SLC39A11: variants seen among roughly 807,000 people sequenced by gnomAD.
The protein encoded by SLC39A11 is zinc transporter ZIP11.
A neutral mutation model predicts 36.1 loss-of-function variants in SLC39A11; 33 were observed. The observed-to-expected ratio is 0.91, with a 90% CI of 0.69 to 1.22. The LOEUF (loss-of-function observed/expected upper bound fraction) is 1.22, where lower values mean the gene tolerates loss of function less well. SLC39A11 is among the 50% of genes most tolerant of loss of function. The pLI is 0.00. For missense variants in SLC39A11, 432 were observed against 430.3 expected (o/e 1.00, Z -0.03); for synonymous variants, 166 against 170.3 (o/e 0.97, Z 0.20).
chr17:72,999,909 T>G (rs2089722009), intron 4 of SLC39A11, among the ~76,000 whole-genome samples: 1 of 151,506 alleles, frequency 6.6e-6, no homozygotes. Flanking sequence ...CCTGGCTAAG[T>G]TTTGTATTTT....
chr17:72,824,791 T>G (rs1421089804), intron 6 of SLC39A11, among the ~76,000 whole-genome samples: 1 of 150,892 alleles, frequency 6.6e-6, no homozygotes, highest in Non-Finnish European at 1.5e-5. Context: ...AATTTGAGAG[T>G]GATAAATTAG....
At chr17:72,707,855 A>G (rs1446559588) in intron 7 of SLC39A11, among the ~76,000 whole-genome samples, 1 of 152,260 alleles carries the variant, frequency 6.6e-6, no homozygotes, top group African/African-American at 2.4e-5. Context: ...CAAGCATGGC[A>G]AAAATATCCT....
intron 4 of SLC39A11, among the ~76,000 whole-genome samples, chr17:72,994,588 C>T (rs1433224387): frequency 1.3e-5 from 2 of 152,198 alleles, no homozygotes; most frequent in South Asian, 2.1e-4. Flanking sequence ...AAGTTTTTTA[C>T]GTGTATCATA....
At chr17:73,041,195 A>C (rs907256140) in intron 3 of SLC39A11, among the ~76,000 whole-genome samples, 2 of 152,180 alleles carry the variant, frequency 1.3e-5, no homozygotes, top group African/African-American at 4.8e-5. Context: ...ACAAGCTTCC[A>C]AATTCTCACT....
At chr17:72,825,569 T>C (rs1279989436) in intron 6 of SLC39A11, among the ~76,000 whole-genome samples, 1 of 152,088 alleles carries the variant, frequency 6.6e-6, no homozygotes, top group East Asian at 1.9e-4. Flanking sequence ...GAATGGTAGA[T>C]CCACTGACAA....
intron 5 of SLC39A11, 79 bp from the exon 6 acceptor site, chr17:72,849,883 C>T: frequency 7.4e-7 from 1 of 1,348,866 alleles, no homozygotes; most frequent in Non-Finnish European, 9.8e-7. Flanking sequence ...CAGCAAGCTA[C>T]AGCAGGAAGA....
intron 4 of SLC39A11, among the ~76,000 whole-genome samples, chr17:72,995,235 A>G (rs553434725): frequency 6.6e-6 from 1 of 152,214 alleles, no homozygotes; most frequent in Admixed American, 6.5e-5. Flanking sequence ...GGGCTTGGCC[A>G]TGTGATTTGC....
chr17:72,931,133 T>C (rs2084369323), intron 5 of SLC39A11, among the ~76,000 whole-genome samples: 2 of 151,992 alleles, frequency 1.3e-5, no homozygotes, highest in Admixed American at 1.3e-4. Flanking sequence ...GCAGATCACC[T>C]GAAACAGAAG....
At chr17:72,965,162 T>C (rs958260803) in intron 4 of SLC39A11, among the ~76,000 whole-genome samples, 3 of 152,042 alleles carry the variant, frequency 2.0e-5, no homozygotes, top group African/African-American at 7.3e-5. Context: ...GACGAGTTAA[T>C]GGGTGCAGCA....
chr17:72,693,267 C>T (rs1313838886), intron 7 of SLC39A11, among the ~76,000 whole-genome samples: 1 of 109,366 alleles, frequency 9.1e-6, no homozygotes, highest in Non-Finnish European at 1.8e-5. Context: ...TGAGAACATG[C>T]TCCTCAGGTG....
chr17:72,955,920 C>T (rs1343566755), intron 4 of SLC39A11, among the ~76,000 whole-genome samples: 1 of 152,074 alleles, frequency 6.6e-6, no homozygotes, highest in African/African-American at 2.4e-5. Flanking sequence ...CCATCCACCC[C>T]TGCCGTCTAT....
intron 7 of SLC39A11, among the ~76,000 whole-genome samples, chr17:72,729,948 C>G (rs945742240): frequency 6.6e-6 from 1 of 152,116 alleles, no homozygotes; most frequent in African/African-American, 2.4e-5. Context: ...CTGCTATTGA[C>G]TTTCAACTAT....
chr17:72,708,452 C>T (rs2072980925), intron 7 of SLC39A11, among the ~76,000 whole-genome samples: 1 of 152,174 alleles, frequency 6.6e-6, no homozygotes, highest in African/African-American at 2.4e-5. Context: ...TTGCTGGCTC[C>T]CATAATCACA....
intron 5 of SLC39A11, among the ~76,000 whole-genome samples, chr17:72,865,590 T>TA (rs1026986831): frequency 6.7e-5 from 10 of 148,974 alleles, no homozygotes; most frequent in Non-Finnish European, 1.5e-4. Context: ...TAAAAAAAAA[T>TA]ACGCTCCCAT....
At chr17:72,861,690 A>T (rs866029975) in intron 5 of SLC39A11, among the ~76,000 whole-genome samples, 22 of 75,670 alleles carry the variant, frequency 2.9e-4, no homozygotes, top group East Asian at 8.4e-4. Context: ...TATATATATA[A>T]AATATATATA....
chr17:72,809,961 G>C (rs1418725634), intron 6 of SLC39A11, among the ~76,000 whole-genome samples: 3 of 151,946 alleles, frequency 2.0e-5, no homozygotes, highest in African/African-American at 7.3e-5. Context: ...CTACTTGGGA[G>C]GCTGAGGCAG....
rs79808860 is a variant in SLC39A11 at position 72,873,373 on chromosome 17, C to A, written c.431-23569G>T. 4.9e-3 allele frequency among the ~76,000 whole-genome samples: 752 copies of A among 152,298 alleles called. 4 individuals carry two copies. The highest frequency in any genetic ancestry group is 0.018 in the African/African-American group (729 of 41,558). On this transcript the variant is annotated intron_variant, in intron 5 of 9. Transcript: ENST00000255559. Reference sequence around the variant, plus strand: ...ACTAATCACCTTATCCATTTCCTAGCCCTCTGCCTGCTAAACTACCCTTGA... The same window carrying A: ...ACTAATCACCTTATCCATTTCCTAGACCTCTGCCTGCTAAACTACCCTTGA...
intron 2 of SLC39A11, among the ~76,000 whole-genome samples, chr17:73,086,343 T>A (rs2060728888): frequency 6.6e-6 from 1 of 152,218 alleles, no homozygotes; most frequent in African/African-American, 2.4e-5. Flanking sequence ...ATACAGATTT[T>A]TTTTTTTTTG....
intron 5 of SLC39A11, among the ~76,000 whole-genome samples, chr17:72,883,405 G>A (rs181147379): frequency 1.8e-3 from 266 of 151,958 alleles, no homozygotes; most frequent in African/African-American, 5.9e-3. Flanking sequence ...CCAGTGCAGC[G>A]CCATCTTTAT....
Sources: gnomAD v4.1 joint callset for allele counts (sites outside exome capture counted in the v4.1 genomes callset) on GRCh38, gnomAD v4.1.1 for gene constraint, MANE v1.5 for transcripts, NCBI Gene and HGNC (gene_info 2026-07-23, HGNC 2026-07-21) for gene names.